ZNF346: variants seen among roughly 807,000 people sequenced by gnomAD.
ZNF346 encodes the protein zinc finger protein 346.
ZNF346 carries 23 observed loss-of-function variants against 33.7 expected under a neutral mutation model. The ratio of observed to expected loss-of-function variants is 0.68; its 90% CI spans 0.49 to 0.97. The LOEUF (loss-of-function observed/expected upper bound fraction) is 0.97, where lower values mean the gene tolerates loss of function less well. Ranked by LOEUF, ZNF346 falls within the 50% of genes least tolerant of loss-of-function variation. ZNF346 has a pLI of 0.00. For missense variants in ZNF346, 340 were observed against 371.1 expected (o/e 0.92, Z 0.69); for synonymous variants, 134 against 142.4 (o/e 0.94, Z 0.42).
chr5:177,052,677 G>A (rs1378573608), intron 5 of ZNF346: 3 of 152,144 alleles, frequency 2.0e-5, no homozygotes, highest in African/African-American at 7.2e-5. Context: ...CTACATTAAA[G>A]TTTTGCCTCC....
intron 1 of ZNF346, among the ~76,000 whole-genome samples, chr5:177,032,706 C>T (rs1003650169): frequency 7.2e-5 from 11 of 152,108 alleles, no homozygotes; most frequent in African/African-American, 2.7e-4. Context: ...CCACCATGCC[C>T]GGCCTCTTCA....
chr5:177,063,394 C>T (rs1329998304), intron 6 of ZNF346, among the ~76,000 whole-genome samples: 2 of 152,206 alleles, frequency 1.3e-5, no homozygotes, highest in Admixed American at 1.3e-4. Context: ...TCTCTCTGCT[C>T]TGCCTGGAGT....
chr5:177,047,741 G>A (rs1475190725), intron 4 of ZNF346, among the ~76,000 whole-genome samples: 1 of 152,126 alleles, frequency 6.6e-6, no homozygotes, highest in Non-Finnish European at 1.5e-5. Context: ...CCTGACCTCA[G>A]GTGATCCACC....
downstream of ZNF346, among the ~76,000 whole-genome samples, chr5:177,071,537 T>C (rs1001916681): frequency 1.3e-5 from 2 of 151,446 alleles, no homozygotes; most frequent in Non-Finnish European, 2.9e-5. Context: ...ATACAAAAAA[T>C]TAGCTGGTCG....
chr5:177,063,068 T>G (rs530704265), intron 6 of ZNF346, among the ~76,000 whole-genome samples: 17 of 151,888 alleles, frequency 1.1e-4, no homozygotes, highest in Non-Finnish European at 2.1e-4. Flanking sequence ...ACATAACGTT[T>G]TTTTTTTTTT....
intron 5 of ZNF346, among the ~76,000 whole-genome samples, chr5:177,060,057 G>T (rs922018882): frequency 1.3e-5 from 2 of 152,206 alleles, no homozygotes; most frequent in Non-Finnish European, 2.9e-5. Flanking sequence ...TCCACGCATG[G>T]CTTTGTGGGT....
Position 177,044,631 on chromosome 5 carries a change from TGAA to T in ZNF346, c.517+103_517+105del, listed in dbSNP as rs200521283. 1,936 of 1,306,080 alleles carry T rather than the reference TGAA, an allele frequency of 1.5e-3. 18 individuals carry two copies. In the African/African-American group the frequency reaches 0.016, roughly 11 times the overall value. The allele number at this position is 1,306,080 out of a possible 1,614,324, so 80.9% of individuals were successfully genotyped here. On this transcript the variant is annotated intron_variant, in intron 4 of 6. Transcript: ENST00000358149. ...GAGATCCTCACTGAGGCCACAGACT[TGAA>T]GAAGTTGAATTGCTTTTGAGAACCC...
chr5:177,041,313 G>A (rs1032674284), intron 2 of ZNF346, 84 bp downstream of exon 2: 10 of 1,168,064 alleles, frequency 8.6e-6, no homozygotes, highest in Admixed American at 1.8e-5. Context: ...ATGGTGAAGT[G>A]TAATTGCTGC....
chr5:177,065,354 G>C lies in ZNF346; in HGVS notation c.*755G>C, dbSNP rs1392169351. On this transcript the variant is annotated 3_prime_UTR_variant, in exon 7 of 7. Transcript: ENST00000358149. ...ATGGGACCTTTCCCCTCCTCCATCA[G>C]AGGTGCTCTGACCCTAGGTTACACG... 1.3e-5 allele frequency: 2 copies of C among 152,632 alleles called. No individual in the cohort carries two copies. Among genetic ancestry groups the C allele is most frequent in the African/African-American group, 4.8e-5 (2 of 41,430 alleles). 9.5% of individuals were successfully genotyped at this position (152,632 alleles called of 1,614,324 possible). A position where few individuals can be genotyped will look rare whatever the true frequency, so the allele number is the denominator to read the frequency against.
chr5:177,044,179 A>C (rs1407559045), intron 3 of ZNF346: 4 of 542,336 alleles, frequency 7.4e-6, no homozygotes, highest in Non-Finnish European at 3.2e-6. Context: ...AGGAATGGCC[A>C]AAGCAAAGCA....
chr5:177,054,276 G>C (rs1171047736), intron 5 of ZNF346, among the ~76,000 whole-genome samples: 1 of 152,018 alleles, frequency 6.6e-6, no homozygotes, highest in Non-Finnish European at 1.5e-5. Context: ...TCGCCACGTT[G>C]CCCAGGCTGG....
chr5:177,064,073 G>A (rs560821052), intron 6 of ZNF346, among the ~76,000 whole-genome samples: 2 of 152,238 alleles, frequency 1.3e-5, no homozygotes, highest in East Asian at 3.9e-4. Flanking sequence ...ACTTCCCCAA[G>A]GTCACTTAGT....
chr5:177,036,683 C>T (rs1165546765), intron 1 of ZNF346, among the ~76,000 whole-genome samples: 1 of 152,174 alleles, frequency 6.6e-6, no homozygotes, highest in African/African-American at 2.4e-5. Context: ...TTTCACTCTT[C>T]CTGCTTACTG....
chr5:177,038,355 C>T (rs1365960403), intron 1 of ZNF346, among the ~76,000 whole-genome samples: 1 of 150,484 alleles, frequency 6.6e-6, no homozygotes, highest in East Asian at 2.0e-4. Context: ...TGAAGCAATC[C>T]TCTTGCCTCA....
intron 6 of ZNF346, among the ~76,000 whole-genome samples, chr5:177,063,905 T>A (rs912918417): frequency 5.6e-5 from 7 of 123,914 alleles, no homozygotes; most frequent in Non-Finnish European, 1.3e-4. Context: ...CTCAAAATTT[T>A]AAAAAAGCCT....
intron 1 of ZNF346, among the ~76,000 whole-genome samples, chr5:177,028,493 G>GA (rs1777147834): frequency 2.0e-5 from 1 of 50,600 alleles, no homozygotes; most frequent in African/African-American, 5.7e-5. Flanking sequence ...CACTTGTGAC[G>GA]TTTTATATAT....
downstream of ZNF346, among the ~76,000 whole-genome samples, chr5:177,069,144 G>C (rs1245481391): frequency 7.0e-6 from 1 of 142,304 alleles, no homozygotes; most frequent in Non-Finnish European, 1.5e-5. Flanking sequence ...CCATGTTACT[G>C]TATGTCTCAG....
At position 177,066,544 on chromosome 5, in the gene ZNF346, G is replaced by A. The variant is rs1351828344; in HGVS notation, c.*1945G>A. Among the ~76,000 whole-genome samples, 1 of 151,998 alleles carries A rather than the reference G, an allele frequency of 6.6e-6. No homozygotes were observed. The highest frequency in any genetic ancestry group is 1.5e-5 in the Non-Finnish European group (1 of 68,022). On this transcript the variant is annotated 3_prime_UTR_variant, in exon 7 of 7. Coordinates refer to ENST00000358149, the MANE Select transcript of ZNF346 (RefSeq NM_012279.4). ...CATAGGCCTGGTGATTCTTGAAAGA[G>A]CATTTTTCATGACTCAAAAATGAGC...
Position 177,024,683 on chromosome 5 carries a change from A to G in ZNF346, c.175+1770A>G, listed in dbSNP as rs575288956. ...CAGTCTAGTCCAGGAAGCAGACACC[A>G]AAACAGTTCCAGTGTAATGTAAAGG... is the stretch of plus-strand genomic sequence containing the variant. On this transcript the variant is annotated intron_variant, in intron 1 of 6. Coordinates refer to ENST00000358149, the MANE Select transcript of ZNF346 (RefSeq NM_012279.4). 2.6e-5 allele frequency among the ~76,000 whole-genome samples: 4 copies of G among 152,360 alleles called. No individual in the cohort carries two copies. In the East Asian group the frequency reaches 7.7e-4, roughly 29 times the overall value.
Sources: allele counts gnomAD v4.1 joint callset (sites outside exome capture counted in the v4.1 genomes callset), GRCh38; gene constraint gnomAD v4.1.1; transcripts MANE v1.5; gene names NCBI Gene and HGNC (gene_info 2026-07-23, HGNC 2026-07-21).